GRM7: variants seen among roughly 807,000 people sequenced by gnomAD.
GRM7 encodes the protein glutamate metabotropic receptor 7, also known as metabotropic glutamate receptor 7.
GRM7 carries 35 observed loss-of-function variants against 84.5 expected under a neutral mutation model. The ratio of observed to expected loss-of-function variants is 0.41; its 90% CI spans 0.32 to 0.55. The LOEUF (loss-of-function observed/expected upper bound fraction) is 0.55. GRM7 is among the 20% of genes least tolerant of loss of function. GRM7 has a pLI of 0.19. For synonymous variants in GRM7, 487 were observed against 455.1 expected (o/e 1.07, Z -0.89); for missense variants, 1,003 against 1,194.6 (o/e 0.84, Z 2.36).
chr3:6,904,630 A>G (rs780989713), intron 1 of GRM7, among the ~76,000 whole-genome samples: 4 of 152,150 alleles, frequency 2.6e-5, no homozygotes, highest in Non-Finnish European at 5.9e-5. Flanking sequence ...CTATCTTTAT[A>G]TAGTTCTATT....
rs745409093 is a variant in GRM7, at chr3:7,064,463, CAT to C, written c.520-81973_520-81972del. Reference sequence around the variant, plus strand: ...ATTCCCTCATGTATGGATATATATACATATATATATATATATACACACATATA... The same window carrying C: ...ATTCCCTCATGTATGGATATATATACATATATATATATATACACACATATA... On this transcript the variant is annotated intron_variant, in intron 1 of 9. Transcript: ENST00000357716. Among the ~76,000 whole-genome samples, 133 of 87,328 alleles carry C rather than the reference CAT, an allele frequency of 1.5e-3. 6 individuals carry two copies. Among genetic ancestry groups the C allele is most frequent in the East Asian group, 0.014 (49 of 3,446 alleles). 57.3% of individuals were successfully genotyped at this position (87,328 alleles called of 152,430 possible). A position where few individuals can be genotyped will look rare whatever the true frequency, so the allele number is the denominator to read the frequency against.
intron 5 of GRM7, among the ~76,000 whole-genome samples, chr3:7,449,278 A>T (rs1192459099): frequency 6.6e-6 from 1 of 152,264 alleles, no homozygotes; most frequent in East Asian, 1.9e-4. Flanking sequence ...TTTGCAAGAA[A>T]CATTCAAAAC....
chr3:7,419,364 A>G (rs1696303704), intron 5 of GRM7, among the ~76,000 whole-genome samples: 1 of 152,136 alleles, frequency 6.6e-6, no homozygotes, highest in Admixed American at 6.5e-5. Context: ...TGACATTTGG[A>G]CACACACTGT....
chr3:7,047,190 G>A (rs1280486425), intron 1 of GRM7, among the ~76,000 whole-genome samples: 1 of 151,832 alleles, frequency 6.6e-6, no homozygotes, highest in Non-Finnish European at 1.5e-5. Flanking sequence ...TTCTATGGCT[G>A]CTTTTGCTCT....
chr3:7,211,652 C>CAAAAAAAAAAAAAAAA (rs370634134), intron 2 of GRM7, among the ~76,000 whole-genome samples: 2 of 122,666 alleles, frequency 1.6e-5, no homozygotes, highest in Admixed American at 8.2e-5. Flanking sequence ...TTCTCCCAAC[C>CAAAAAAAAAAAAAAAA]AAAAAAAAAA....
intron 8 of GRM7, among the ~76,000 whole-genome samples, chr3:7,596,757 G>A (rs1696063143): frequency 6.6e-6 from 1 of 152,102 alleles, no homozygotes. Context: ...AGGGAGAATG[G>A]GAGGAGAGAG....
intron 1 of GRM7, among the ~76,000 whole-genome samples, chr3:7,143,506 C>T (rs918305260): frequency 2.0e-5 from 3 of 152,026 alleles, no homozygotes; most frequent in African/African-American, 7.2e-5. Flanking sequence ...GGGTCTTAAG[C>T]CAGGAGATAT....
chr3:6,957,959 A>C (rs958879164), intron 1 of GRM7, among the ~76,000 whole-genome samples: 3 of 152,188 alleles, frequency 2.0e-5, no homozygotes, highest in Non-Finnish European at 4.4e-5. Flanking sequence ...GAGCTCACCT[A>C]TTTTGGAAGC....
chr3:6,993,879 A>G (rs190249271), intron 1 of GRM7, among the ~76,000 whole-genome samples: 1 of 152,318 alleles, frequency 6.6e-6, no homozygotes, highest in African/African-American at 2.4e-5. Context: ...TGAGGGAAGA[A>G]GGGATGAATT....
chr3:7,436,534 A>G (rs1697063646), intron 5 of GRM7, among the ~76,000 whole-genome samples: 1 of 152,200 alleles, frequency 6.6e-6, no homozygotes, highest in East Asian at 1.9e-4. Flanking sequence ...TCATTTTTTC[A>G]TTATATAACA....
intron 4 of GRM7, among the ~76,000 whole-genome samples, chr3:7,325,671 G>A (rs2125059226): frequency 6.6e-6 from 1 of 152,204 alleles, no homozygotes; most frequent in Admixed American, 6.5e-5. Context: ...AAATCTAAAT[G>A]GTGTTGACAT....
intron 1 of GRM7, among the ~76,000 whole-genome samples, chr3:6,888,196 A>C (rs1377833622): frequency 6.6e-5 from 10 of 151,854 alleles, no homozygotes; most frequent in South Asian, 4.2e-4. Context: ...GTTCACTCTG[A>C]TGGTAGTTTC....
chr3:7,176,882 G>A (rs529786395), intron 2 of GRM7, among the ~76,000 whole-genome samples: 1 of 152,282 alleles, frequency 6.6e-6, no homozygotes, highest in South Asian at 2.1e-4. Flanking sequence ...TTCATGTCAT[G>A]CAAAGTCCTA....
intron 1 of GRM7, among the ~76,000 whole-genome samples, chr3:6,880,207 C>T (rs1394991722): frequency 6.6e-6 from 1 of 152,120 alleles, no homozygotes; most frequent in African/African-American, 2.4e-5. Flanking sequence ...CATTCCCAGT[C>T]TCCCCGACAA....
At chr3:6,899,196 T>C (rs1696300355) in intron 1 of GRM7, among the ~76,000 whole-genome samples, 1 of 152,218 alleles carries the variant, frequency 6.6e-6, no homozygotes, top group African/African-American at 2.4e-5. Flanking sequence ...GATACTGTGC[T>C]AGTTCTTTTA....
chr3:7,178,655 G>A (rs1261163066), intron 2 of GRM7, among the ~76,000 whole-genome samples: 1 of 152,138 alleles, frequency 6.6e-6, no homozygotes, highest in Non-Finnish European at 1.5e-5. Flanking sequence ...AGGCAAAATT[G>A]CAGATGGGTG....
rs912581178 is a variant in GRM7 at position 7,578,950 on chromosome 3, C to T, written c.2044C>T (p.Arg682Cys). ...CTTGACGAAAACAAATCGGATTTAT[C>T]GCATATTTGAGCAGGGCAAGAAATC... is the stretch of plus-strand genomic sequence containing the variant. The part of the protein sequence containing the change: ...ALLTKTNRIY[R>C]IFEQGKKSVT... Residue 682 changes from arginine to cysteine, a missense_variant, in exon 8 of 10, where the codon CGC becomes TGC. By Grantham distance (180) the Arg-to-Cys change is radical. This residue lies in a region of GRM7 where 910 missense variants were observed against 1,126.0 expected (regional missense o/e 0.81). Transcript: ENST00000357716. The T allele has an allele frequency of 6.2e-7, 1 of 1,613,974 alleles. No individual in the cohort carries two copies. The highest frequency in any genetic ancestry group is 8.5e-7 in the Non-Finnish European group (1 of 1,180,026).
At chr3:7,616,218 G>A (rs543740715) in intron 8 of GRM7, among the ~76,000 whole-genome samples, 2 of 152,050 alleles carry the variant, frequency 1.3e-5, no homozygotes, top group Admixed American at 6.6e-5. Flanking sequence ...GCATCATTTC[G>A]CACATATTTT....
chr3:7,307,542 G>C (rs994242567), intron 4 of GRM7, among the ~76,000 whole-genome samples: 1 of 152,108 alleles, frequency 6.6e-6, no homozygotes, highest in Non-Finnish European at 1.5e-5. Context: ...TCCTCAGAAG[G>C]CTGCATGTTC....
Sources: gnomAD v4.1 joint callset for allele counts (sites outside exome capture counted in the v4.1 genomes callset) on GRCh38, gnomAD v4.1.1 for gene constraint, gnomAD v4.1.1 regional missense constraint, MANE v1.5 for transcripts, NCBI Gene and HGNC (gene_info 2026-07-23, HGNC 2026-07-21) for gene names.